Variants in COMMD1 observed in about 807,000 individuals in gnomAD.
COMMD1 encodes COMM domain-containing protein 1.
Under a neutral mutation model 17.2 loss-of-function variants are expected in COMMD1, and 10 were observed. The ratio of observed to expected loss-of-function variants is 0.58; its 90% CI spans 0.36 to 0.99. The LOEUF is 0.99. Ranked by LOEUF, COMMD1 falls within the 50% of genes least tolerant of loss-of-function variation. The probability of loss-of-function intolerance (pLI) is 0.01; values close to 1 mark genes in which losing one functional copy is unlikely to be tolerated. For missense variants in COMMD1, 270 were observed against 231.8 expected (o/e 1.17, Z -1.07); for synonymous variants, 97 against 91.6 (o/e 1.06, Z -0.34).
At chr2:61,987,404 C>A (rs79259784) in intron 1 of COMMD1, among the ~76,000 whole-genome samples, 2 of 152,124 alleles carry the variant, frequency 1.3e-5, no homozygotes, top group African/African-American at 4.8e-5. Context: ...AAAGGGCACC[C>A]CAAGTCCAAC....
At chr2:61,899,707 C>T (rs1013879252) in intron 1 of COMMD1, among the ~76,000 whole-genome samples, 27 of 152,160 alleles carry the variant, frequency 1.8e-4, no homozygotes, top group African/African-American at 6.5e-4. Context: ...CAGAGTCTTG[C>T]TCTGTCGCCC....
intron 2 of COMMD1, among the ~76,000 whole-genome samples, chr2:62,134,142 A>G (rs1181870355): frequency 1.3e-5 from 2 of 150,874 alleles, no homozygotes; most frequent in Non-Finnish European, 2.9e-5. Context: ...TCTTGGCCAG[A>G]TAAGGGAAAC....
chr2:61,928,776 C>G (rs1670391361), intron 1 of COMMD1: 1 of 152,156 alleles, frequency 6.6e-6, no homozygotes, highest in South Asian at 2.1e-4. Flanking sequence ...TTTTCCTGCC[C>G]TAGTCCCCTG....
chr2:62,063,974 G>T (rs1199672673), intron 2 of COMMD1, among the ~76,000 whole-genome samples: 1 of 147,468 alleles, frequency 6.8e-6, no homozygotes, highest in Non-Finnish European at 1.5e-5. Flanking sequence ...TTGAACCTGG[G>T]AGGTTGAGGC....
chr2:61,888,596 C>A, upstream of COMMD1: 1 of 1,459,164 alleles, frequency 6.9e-7, no homozygotes. Context: ...TAAGCCCTCA[C>A]TGCCTTCACG....
chr2:61,938,471 T>C (rs1444319826), intron 1 of COMMD1, among the ~76,000 whole-genome samples: 1 of 152,084 alleles, frequency 6.6e-6, no homozygotes, highest in African/African-American at 2.4e-5. Flanking sequence ...GAGGCGAGCT[T>C]ATAAAATTCC....
intron 2 of COMMD1, among the ~76,000 whole-genome samples, chr2:62,044,452 G>A (rs760728645): frequency 1.1e-4 from 16 of 152,114 alleles, no homozygotes; most frequent in Non-Finnish European, 1.9e-4. Context: ...ACTGATTTCT[G>A]TGTTGACCTC....
At chr2:61,953,209 C>G (rs1399412256) in intron 1 of COMMD1, among the ~76,000 whole-genome samples, 2 of 151,900 alleles carry the variant, frequency 1.3e-5, no homozygotes, top group East Asian at 3.9e-4. Flanking sequence ...GGGGTTTCAC[C>G]TTGTGGGCCA....
chr2:61,937,753 C>A (rs10187809), intron 1 of COMMD1, among the ~76,000 whole-genome samples: 1 of 151,880 alleles, frequency 6.6e-6, no homozygotes, highest in African/African-American at 2.4e-5. Context: ...CAAAACATAC[C>A]CGTTCTGAAA....
intron 2 of COMMD1, among the ~76,000 whole-genome samples, chr2:62,021,878 A>C (rs1669621271): frequency 1.3e-5 from 2 of 152,152 alleles, no homozygotes; most frequent in African/African-American, 4.8e-5. Flanking sequence ...TGTGTTTTTA[A>C]CATCAGGGTT....
chr2:62,042,799 T>C lies in COMMD1; in HGVS notation c.462+41817T>C, dbSNP rs374967961. Reference sequence around the variant, plus strand: ...TAAGCCACCACACACCCGGCCTCTTTTGTGCATTTTGTATGCTGCCATTGA... The same window carrying C: ...TAAGCCACCACACACCCGGCCTCTTCTGTGCATTTTGTATGCTGCCATTGA... On this transcript the variant is annotated intron_variant, in intron 2 of 2. Coordinates refer to ENST00000311832, the MANE Select transcript of COMMD1 (RefSeq NM_152516.4). Among the ~76,000 whole-genome samples, 81 of 152,358 alleles carry C rather than the reference T, an allele frequency of 5.3e-4. No individual in the cohort carries two copies. In the South Asian group the frequency reaches 0.016, roughly 29 times the overall value.
chr2:62,091,472 A>G (rs138214941), intron 2 of COMMD1, among the ~76,000 whole-genome samples: 1,603 of 152,310 alleles, frequency 0.011, 30 homozygotes, highest in African/African-American at 0.037. Flanking sequence ...CATTTGTACA[A>G]TTTGGATAAA....
At chr2:62,042,479 G>A (rs976220866) in intron 2 of COMMD1, among the ~76,000 whole-genome samples, 4 of 152,214 alleles carry the variant, frequency 2.6e-5, no homozygotes, top group Admixed American at 2.6e-4. Context: ...AACCCAGAAG[G>A]AGCTTGTGCC....
chr2:61,963,032 C>G (rs1253975402), intron 1 of COMMD1, among the ~76,000 whole-genome samples: 1 of 151,542 alleles, frequency 6.6e-6, no homozygotes, highest in Non-Finnish European at 1.5e-5. Flanking sequence ...TGGTGGCACG[C>G]ACCTATAATC....
In COMMD1 at chr2:62,060,905, C is replaced by G. The variant is rs562845339; in HGVS notation, c.462+59923C>G. Reference sequence around the variant, plus strand: ...TCAGGCTCTGTTTTTTTCCCCCAATCTTTTTTTCTCTCTTTTCAAACTGGA... The same window carrying G: ...TCAGGCTCTGTTTTTTTCCCCCAATGTTTTTTTCTCTCTTTTCAAACTGGA... On this transcript the variant is annotated intron_variant, in intron 2 of 2. Transcript: ENST00000311832. 5.2e-4 allele frequency among the ~76,000 whole-genome samples: 79 copies of G among 152,094 alleles called. 1 individual carries two copies. Among genetic ancestry groups the G allele is most frequent in the Admixed American group, 9.8e-4 (15 of 15,270 alleles).
At chr2:62,002,491 G>GAAAAAAAAAAAAAA (rs11310507) in intron 2 of COMMD1, among the ~76,000 whole-genome samples, 3 of 35,088 alleles carry the variant, frequency 8.5e-5, no homozygotes, top group Non-Finnish European at 1.0e-4. Flanking sequence ...GATTCCACCA[G>GAAAAAAAAAAAAAA]AAAAAAAAAA....
chr2:61,998,674 T>A (rs1668838296), intron 1 of COMMD1, among the ~76,000 whole-genome samples: 1 of 152,238 alleles, frequency 6.6e-6, no homozygotes, highest in South Asian at 2.1e-4. Context: ...GAGGCCTAGC[T>A]TTCAGCCTAT....
intron 2 of COMMD1, among the ~76,000 whole-genome samples, chr2:62,113,810 A>C (rs1672519507): frequency 6.6e-6 from 1 of 152,254 alleles, no homozygotes; most frequent in Non-Finnish European, 1.5e-5. Context: ...ACTAAAACTT[A>C]GGGCCTTTGC....
At chr2:62,035,846 G>A (rs1380932887) in intron 2 of COMMD1, among the ~76,000 whole-genome samples, 1 of 151,802 alleles carries the variant, frequency 6.6e-6, no homozygotes, top group African/African-American at 2.4e-5. Context: ...AGCCTCAGGG[G>A]TTCAAGACCA....
Sources: gnomAD v4.1 joint callset for allele counts (sites outside exome capture counted in the v4.1 genomes callset) on GRCh38, gnomAD v4.1.1 for gene constraint, MANE v1.5 for transcripts, NCBI Gene and HGNC (gene_info 2026-07-23, HGNC 2026-07-21) for gene names.